The following TSC2 variants were observed in gnomAD, a reference collection of about 807,000 sequenced individuals.
TSC2 encodes tuberin.
In TSC2, 29 loss-of-function variants were observed where a neutral mutation model predicts 202.2. The observed-to-expected ratio is 0.14, with a 90% CI of 0.11 to 0.20. The LOEUF (loss-of-function observed/expected upper bound fraction) is 0.20, where lower values mean the gene tolerates loss of function less well. Ranked by LOEUF, TSC2 falls within the 10% of genes least tolerant of loss-of-function variation. TSC2 has a pLI of 1.00. For synonymous variants in TSC2, 1,349 were observed against 1,044.0 expected (o/e 1.29, Z -5.63); for missense variants, 2,429 against 2,420.0 (o/e 1.00, Z -0.08).
rs2091088393 is a variant in TSC2 at position 2,088,057 on chromosome 16, G to A, written c.5078G>A (p.Gly1693Asp). The A allele has an allele frequency of 1.9e-6, 3 of 1,612,726 alleles. No individual in the cohort carries two copies. Among genetic ancestry groups the A allele is most frequent in the Non-Finnish European group, 2.5e-6 (3 of 1,180,020 alleles). ...CACCAAGTCTCCCCAGACATGGAGG[G>A]CCTTGTGGACACCAGCGTGGCCAAG... is the stretch of plus-strand genomic sequence containing the variant. ...VSLQCRKDME[G>D]LVDTSVAKIV... is the part of the protein sequence containing the mutation. The change falls in exon 40 of 42, where the codon GGC becomes GAC. Residue 1693 changes from glycine to aspartate, a missense_variant. Coordinates refer to ENST00000219476, the MANE Select transcript of TSC2 (RefSeq NM_000548.5).
chr16:2,048,507 C>T (rs2084646429), intron 1 of TSC2, 80 bp from the exon 2 acceptor site: 1 of 1,567,070 alleles, frequency 6.4e-7, no homozygotes, highest in South Asian at 1.1e-5. Context: ...GACCCAGGGT[C>T]CTGACGGCTG....
Position 2,050,463 on chromosome 16 carries a change from G to T in TSC2, c.202G>T (p.Ala68Ser), listed in dbSNP as rs767626323. Reference sequence around the variant, plus strand: ...GATGATAGGGCAGATTTGTGAAGTCGCAAAAACCAAGAAATTTGAAGAGGT... The same window carrying T: ...GATGATAGGGCAGATTTGTGAAGTCTCAAAAACCAAGAAATTTGAAGAGGT... ...IRMIGQICEV[A>S]KTKKFEEHAV... Residue 68 changes from alanine to serine, a missense_variant, in exon 3 of 42, where the codon GCA (alanine) becomes TCA (serine). Ala to Ser is a moderately conservative substitution (Grantham distance 99). Transcript: ENST00000219476. 6.2e-7 allele frequency: 1 copy of T among 1,613,722 alleles called. No individual in the cohort carries two copies. The highest frequency in any genetic ancestry group is 1.7e-5 in the Admixed American group (1 of 60,006).
rs2088693411 is a variant in TSC2 at position 2,072,908 on chromosome 16, T to C, written c.2280T>C (p.Thr760=). The change falls in exon 21 of 42, where the codon ACT becomes ACC. Residue 760 remains threonine, a synonymous_variant. Coordinates refer to ENST00000219476, the MANE Select transcript of TSC2 (RefSeq NM_000548.5). ...LRGAPEGFSR[T]DLHLAVVPVL... is the part of the protein sequence containing the mutation. ...GCGCCCCAGAAGGCTTCTCCAGAAC[T>C]GACTTGCACCTGGCCGTGGTTCCAG... 6 of 1,613,694 alleles carry C rather than the reference T, an allele frequency of 3.7e-6. No individual in the cohort carries two copies. Among genetic ancestry groups the C allele is most frequent in the Non-Finnish European group, 5.1e-6 (6 of 1,180,042 alleles).
chr16:2,062,983 G>C lies in TSC2; in HGVS notation c.1373G>C (p.Arg458Pro), dbSNP rs878854077. ...LMERFFRSES[R>P]GAVRIKVLDV... ...CTGCCGTCCCGCAGGAGCGAGTCCC[G>C]AGGCGCCGTGCGCATCAAGGTGCTG... is the stretch of plus-strand genomic sequence containing the variant. Residue 458 changes from arginine (R) to proline (P), a missense_variant, in exon 14 of 42, where the codon CGA (arginine) becomes CCA (proline). By Grantham distance (103) the Arg-to-Pro change is moderately radical. Transcript: ENST00000219476. 1 of 1,550,840 alleles carries C rather than the reference G, an allele frequency of 6.4e-7. No homozygotes were observed. Among genetic ancestry groups the C allele is most frequent in the Non-Finnish European group, 8.7e-7 (1 of 1,146,846 alleles).
chr16:2,082,567 C>T, intron 32 of TSC2, 63 bp downstream of exon 32: 1 of 1,575,584 alleles, frequency 6.3e-7, no homozygotes, highest in African/African-American at 1.3e-5. Context: ...AGGTGCTGTG[C>T]TCGTCGCCTC....
At chr16:2,062,696 AG>A in intron 13 of TSC2, 96 bp downstream of exon 13, 1 of 1,306,904 alleles carries the variant, frequency 7.7e-7, no homozygotes, top group Non-Finnish European at 1.1e-6. Flanking sequence ...CCCGATGAGC[AG>A]GGCCCTCCCC....
At chr16:2,081,173 G>T (rs30260) in intron 30 of TSC2, 2 of 323,272 alleles carry the variant, frequency 6.2e-6, no homozygotes, top group Non-Finnish European at 1.2e-5. Context: ...ATACCAACAT[G>T]GGGGCACAGC....
At chr16:2,071,174 G>A (rs2088299203) in intron 17 of TSC2, among the ~76,000 whole-genome samples, 1 of 152,240 alleles carries the variant, frequency 6.6e-6, no homozygotes, top group Non-Finnish European at 1.5e-5. Context: ...TGGCAGGGCT[G>A]GGAGCTGAGC....
At chr16:2,054,196 C>T (rs2085483732) in intron 4 of TSC2, 100 bp from the exon 5 acceptor site, 2 of 1,586,472 alleles carry the variant, frequency 1.3e-6, no homozygotes, top group African/African-American at 2.7e-5. Flanking sequence ...GGAGAGGGGT[C>T]CAGGGCTGGA....
chr16:2,063,099 C>T (rs371224572), intron 14 of TSC2, 46 bp downstream of exon 14: 32 of 1,546,530 alleles, frequency 2.1e-5, no homozygotes, highest in African/African-American at 1.6e-4. Context: ...GCTATTTCTC[C>T]GTGGGCGGGC....
Position 2,081,575 on chromosome 16 carries a change from A to G in TSC2, c.3611-20A>G, listed in dbSNP as rs1450559639. ...AGGGGAGGTACTGGCCTCAGGCCAAAGGTGCTGCCGCCTCCGCAGGGAACA... is the reference window on the plus strand; with the variant it reads ...AGGGGAGGTACTGGCCTCAGGCCAAGGGTGCTGCCGCCTCCGCAGGGAACA... On this transcript the variant is annotated intron_variant, in intron 30 of 41. Transcript: ENST00000219476. 1 of 1,612,832 alleles carries G rather than the reference A, an allele frequency of 6.2e-7. No individual in the cohort carries two copies. The highest frequency in any genetic ancestry group is 1.7e-5 in the Admixed American group (1 of 60,032).
chr16:2,053,697 G>T lies in TSC2; in HGVS notation c.336+245G>T, dbSNP rs1027702921. On this transcript the variant is annotated intron_variant, in intron 4 of 41. Coordinates refer to ENST00000219476, the MANE Select transcript of TSC2 (RefSeq NM_000548.5). Reference sequence around the variant, plus strand: ...CACCTTCCTCTTATGGGATGTTCTGGGGATCATATGAGGCAGTTCTCGCAG... The same window carrying T: ...CACCTTCCTCTTATGGGATGTTCTGTGGATCATATGAGGCAGTTCTCGCAG... 7 of 645,612 alleles carry T rather than the reference G, an allele frequency of 1.1e-5. No individual in the cohort carries two copies. The Admixed American group carries it at 1.5e-4, about 13-fold the overall frequency. The allele number at this position is 645,612 out of a possible 1,614,324, so 40.0% of individuals were successfully genotyped here.
chr16:2,088,037 A>C lies in TSC2; in HGVS notation c.5069-11A>C. On this transcript the variant is annotated splice_polypyrimidine_tract_variant and intron_variant, in intron 39 of 41. Transcript: ENST00000219476. ...AGCCCTGGGCCTGGCGTGACCACCAAGTCTCCCCAGACATGGAGGGCCTTG... is the reference window on the plus strand; with the variant it reads ...AGCCCTGGGCCTGGCGTGACCACCACGTCTCCCCAGACATGGAGGGCCTTG... 1 of 1,612,448 alleles carries C rather than the reference A, an allele frequency of 6.2e-7. No individual in the cohort carries two copies. The highest frequency in any genetic ancestry group is 8.5e-7 in the Non-Finnish European group (1 of 1,179,910).
chr16:2,067,877 G>T (rs914340805), intron 16 of TSC2, among the ~76,000 whole-genome samples: 1 of 152,188 alleles, frequency 6.6e-6, no homozygotes, highest in Non-Finnish European at 1.5e-5. Context: ...GGCTGTGGGG[G>T]CCTATGGCCT....
chr16:2,062,385 G>T, intron 12 of TSC2, 112 bp from the exon 13 acceptor site: 1 of 1,018,528 alleles, frequency 9.8e-7, no homozygotes, highest in African/African-American at 1.6e-5. Context: ...TGGGCTGCAG[G>T]CTGTGAGGCG....
rs548633071 is a variant in TSC2, at chr16:2,082,050, C to T, written c.3814+252C>T. 49 of 622,986 alleles carry T rather than the reference C, an allele frequency of 7.9e-5. 1 individual carries two copies. The highest frequency in any genetic ancestry group is 1.5e-4 in the South Asian group (8 of 53,168). 38.6% of individuals were successfully genotyped at this position (622,986 alleles called of 1,614,324 possible). ...TGTGGAGCCTCTGCCCAGCATCCTCCGTGGGGAGTCCAGCACTGCGGGCTC... is the reference window on the plus strand; with the variant it reads ...TGTGGAGCCTCTGCCCAGCATCCTCTGTGGGGAGTCCAGCACTGCGGGCTC... On this transcript the variant is annotated intron_variant, in intron 31 of 41. Transcript: ENST00000219476.
At chr16:2,075,946 T>G in intron 23 of TSC2, 54 bp downstream of exon 23, 3 of 1,612,364 alleles carry the variant, frequency 1.9e-6, no homozygotes, top group Non-Finnish European at 2.5e-6. Context: ...CGCTAGGCCT[T>G]GCGGCAGAAA....
intron 32 of TSC2, chr16:2,082,754 C>T (rs528244556): frequency 1.4e-5 from 8 of 590,230 alleles, no homozygotes; most frequent in South Asian, 1.2e-4. Context: ...CAGCTTCAGG[C>T]CTGAGGGGTG....
At chr16:2,074,755 T>G in intron 22 of TSC2, 1 of 377,330 alleles carries the variant, frequency 2.7e-6, no homozygotes, top group Non-Finnish European at 5.1e-6. Context: ...TGCCTGTCCC[T>G]TCCCCTCACC....
Sources: allele counts gnomAD v4.1 joint callset (sites outside exome capture counted in the v4.1 genomes callset), GRCh38; gene constraint gnomAD v4.1.1; transcripts MANE v1.5; gene names NCBI Gene and HGNC (gene_info 2026-07-23, HGNC 2026-07-21).